HEATR5A: variants seen among roughly 807,000 people sequenced by gnomAD.
The protein encoded by HEATR5A is HEAT repeat containing 5A.
Under a neutral mutation model 218.8 loss-of-function variants are expected in HEATR5A, and 178 were observed. That is an observed-to-expected ratio of 0.81 (90% CI 0.72 to 0.92). The LOEUF (loss-of-function observed/expected upper bound fraction) is 0.92, where lower values mean the gene tolerates loss of function less well. Among genes scored for constraint, HEATR5A ranks in the 40% least tolerant of loss-of-function variants. HEATR5A has a pLI of 0.00. For synonymous variants in HEATR5A, 864 were observed against 871.6 expected (o/e 0.99, Z 0.15); for missense variants, 2,420 against 2,418.9 (o/e 1.00, Z -0.01).
intron 12 of HEATR5A, among the ~76,000 whole-genome samples, chr14:31,373,004 C>T (rs1419656666): frequency 6.8e-6 from 1 of 145,996 alleles, no homozygotes; most frequent in Non-Finnish European, 1.5e-5. Flanking sequence ...AGTGGTGCAA[C>T]CACAACTCAA....
intron 14 of HEATR5A, among the ~76,000 whole-genome samples, chr14:31,360,499 G>A (rs547198607): frequency 1.3e-3 from 197 of 152,216 alleles, no homozygotes; most frequent in Middle Eastern, 6.8e-3. Flanking sequence ...TATACACTTT[G>A]AAAAGCTGAT....
chr14:31,360,311 T>C (rs1440552954), intron 14 of HEATR5A, among the ~76,000 whole-genome samples: 1 of 152,202 alleles, frequency 6.6e-6, no homozygotes, highest in Non-Finnish European at 1.5e-5. Flanking sequence ...TATAGGCCCC[T>C]GGTATAGCTT....
chr14:31,352,746 T>A (rs1372120867), intron 16 of HEATR5A, among the ~76,000 whole-genome samples: 2 of 152,120 alleles, frequency 1.3e-5, no homozygotes, highest in Non-Finnish European at 2.9e-5. Flanking sequence ...TCACCTGATG[T>A]CAGGAGTTTG....
chr14:31,332,857 G>A (rs1428428169), intron 22 of HEATR5A, among the ~76,000 whole-genome samples: 1 of 151,916 alleles, frequency 6.6e-6, no homozygotes, highest in Admixed American at 6.6e-5. Flanking sequence ...ATGGTGGCGG[G>A]CACCTGTAAT....
chr14:31,393,672 A>G (rs928210764), intron 6 of HEATR5A, among the ~76,000 whole-genome samples: 2 of 147,570 alleles, frequency 1.4e-5, no homozygotes, highest in African/African-American at 5.0e-5. Flanking sequence ...TTTTTTTTTG[A>G]GATGAAGTTT....
At chr14:31,405,378 G>A (rs1004703647) in intron 1 of HEATR5A, among the ~76,000 whole-genome samples, 3 of 152,086 alleles carry the variant, frequency 2.0e-5, no homozygotes, top group Non-Finnish European at 2.9e-5. Context: ...AGGTTGCAGC[G>A]AGCCAGGATC....
chr14:31,322,161 G>C (rs1400001382), intron 24 of HEATR5A, among the ~76,000 whole-genome samples: 1 of 152,136 alleles, frequency 6.6e-6, no homozygotes, highest in African/African-American at 2.4e-5. Context: ...AATGGTGGGA[G>C]TATAAAAAAC....
chr14:31,402,122 CAAGAAT>C (rs2030900362), intron 2 of HEATR5A, among the ~76,000 whole-genome samples: 1 of 152,058 alleles, frequency 6.6e-6, no homozygotes, highest in Admixed American at 6.6e-5. Flanking sequence ...TGTCTCAGAA[CAAGAAT>C]GTGTTTTGGA....
At chr14:31,366,265 T>C (rs1272684230) in intron 13 of HEATR5A, among the ~76,000 whole-genome samples, 1 of 152,104 alleles carries the variant, frequency 6.6e-6, no homozygotes, top group Admixed American at 6.6e-5. Context: ...CAGACTGAAA[T>C]AGTGTCTCAA....
At chr14:31,331,435 T>A (rs1195730545) in intron 22 of HEATR5A, among the ~76,000 whole-genome samples, 3 of 152,146 alleles carry the variant, frequency 2.0e-5, no homozygotes, top group Non-Finnish European at 4.4e-5. Flanking sequence ...TTGTCCACAT[T>A]ATTATCAGCA....
intron 28 of HEATR5A, among the ~76,000 whole-genome samples, chr14:31,310,937 C>T (rs1899726798): frequency 6.6e-6 from 1 of 151,952 alleles, no homozygotes; most frequent in East Asian, 1.9e-4. Flanking sequence ...TCACTTGAGC[C>T]CAGCTGTAGT....
chr14:31,394,374 C>T (rs1201251054), intron 5 of HEATR5A, 148 bp from the exon 6 acceptor site: 1 of 478,954 alleles, frequency 2.1e-6, no homozygotes, highest in East Asian at 3.3e-5. Context: ...TAAATGGATA[C>T]TTATTAAAAG....
At chr14:31,372,239 G>T (rs1474365519) in intron 12 of HEATR5A, among the ~76,000 whole-genome samples, 1 of 149,688 alleles carries the variant, frequency 6.7e-6, no homozygotes, top group Non-Finnish European at 1.5e-5. Flanking sequence ...AAGTTTGCCA[G>T]CTCTACAACT....
At position 31,396,460 on chromosome 14, in the gene HEATR5A, G is replaced by A. The variant is rs544198486; in HGVS notation, c.448-1112C>T. 1.1e-3 allele frequency among the ~76,000 whole-genome samples: 168 copies of A among 152,064 alleles called. No individual in the cohort carries two copies. The Middle Eastern group carries it at 0.014, about 12-fold the overall frequency. Reference sequence around the variant, plus strand: ...CCCTGTCTTTAAAAAAAAAGAAAAAGAAATAGTAGCTGCTTATTTTATTAA... The same window carrying A: ...CCCTGTCTTTAAAAAAAAAGAAAAAAAAATAGTAGCTGCTTATTTTATTAA... On this transcript the variant is annotated intron_variant, in intron 4 of 35. Coordinates refer to ENST00000543095, the MANE Select transcript of HEATR5A (RefSeq NM_015473.4).
chr14:31,379,239 G>A (rs192454069), intron 11 of HEATR5A, among the ~76,000 whole-genome samples: 102 of 140,620 alleles, frequency 7.3e-4, no homozygotes, highest in African/African-American at 2.4e-3. Flanking sequence ...GAGCCACTGC[G>A]CCCGAACTAT....
rs896163103 is a variant in HEATR5A, at chr14:31,309,158, G to C, written c.4466C>G (p.Thr1489Ser). 1.1e-5 allele frequency: 17 copies of C among 1,613,760 alleles called. No homozygotes were observed. The highest frequency in any genetic ancestry group is 1.4e-5 in the Non-Finnish European group (16 of 1,179,792). The change falls in exon 29 of 36, where the codon ACT becomes AGT. Residue 1489 changes from threonine (T) to serine (S), a missense_variant. Thr to Ser is a moderately conservative substitution (Grantham distance 58). Transcript: ENST00000543095. Reference protein sequence around the residue: ...AEGGAFYTAETSENAKLHYYN... With the variant: ...AEGGAFYTAESSENAKLHYYN... The stretch of plus-strand genomic sequence containing the variant: ...ATAATGCAATTTTGCATTTTCACTA[G>C]TCTCTGCTGTGTAGAAAGCACCACC...
At chr14:31,351,228 T>G (rs1374894902) in intron 16 of HEATR5A, among the ~76,000 whole-genome samples, 4 of 152,200 alleles carry the variant, frequency 2.6e-5, no homozygotes, top group Non-Finnish European at 4.4e-5. Context: ...TCCACAAATA[T>G]TATATGTAAC....
chr14:31,320,143 T>C (rs2139162986), intron 25 of HEATR5A: 1 of 328,750 alleles, frequency 3.0e-6, no homozygotes, highest in Admixed American at 4.0e-5. Context: ...TTGTGTTTAA[T>C]GGTAAAGCTT....
In HEATR5A at chr14:31,341,507, C is replaced by A. The variant is rs143926471; in HGVS notation, c.3228+2389G>T. On this transcript the variant is annotated intron_variant, in intron 21 of 35. Coordinates refer to ENST00000543095, the MANE Select transcript of HEATR5A (RefSeq NM_015473.4). ...ATCCTGGATTCAGGTGATCCTCTCA[C>A]CTCAGCCTCCCAAGTAGTAGTGGGA... Among the ~76,000 whole-genome samples the A allele has an allele frequency of 7.5e-3, 1,141 of 152,168 alleles. 10 individuals are homozygous for A. Among genetic ancestry groups the A allele is most frequent in the Non-Finnish European group, 0.012 (825 of 68,006 alleles).
Sources: allele counts gnomAD v4.1 joint callset (sites outside exome capture counted in the v4.1 genomes callset), GRCh38; gene constraint gnomAD v4.1.1; transcripts MANE v1.5; gene names NCBI Gene and HGNC (gene_info 2026-07-23, HGNC 2026-07-21).